ERMP1: variants seen among roughly 807,000 people sequenced by gnomAD.
ERMP1 encodes the protein Felix-ina.
ERMP1 carries 86 observed loss-of-function variants against 92.0 expected under a neutral mutation model. That is an observed-to-expected ratio of 0.93 (90% CI 0.79 to 1.12). The LOEUF is 1.12. ERMP1 is among the 50% of genes most tolerant of loss of function. ERMP1 has a pLI of 0.00. For missense variants in ERMP1, 1,342 were observed against 1,116.3 expected, an observed-to-expected ratio of 1.20 and a Z score of -2.88; for synonymous variants, 530 against 412.8, an observed-to-expected ratio of 1.28 and a Z score of -3.44.
intron 10 of ERMP1, among the ~76,000 whole-genome samples, chr9:5,803,111 T>C (rs1257606060): frequency 6.6e-6 from 1 of 152,174 alleles, no homozygotes; most frequent in East Asian, 1.9e-4. Context: ...CAGATGTATT[T>C]AATAAATCCC....
chr9:5,825,147 G>T lies in ERMP1; in HGVS notation c.713C>A (p.Ala238Asp). The change falls in exon 3 of 15, where the codon GCC becomes GAC. Residue 238 changes from alanine to aspartate, a missense_variant. By Grantham distance (126) the Ala-to-Asp change is moderately radical (BLOSUM62 -2). Transcript: ENST00000339450. ...VLRVLSTSSEALHHAVIFLFN... is the reference protein window; with the variant it reads ...VLRVLSTSSEDLHHAVIFLFN... ...GAGAAATATGACAGCATGATGCAAG[G>T]CTTCTGAAGATGTTGACAAGACGCG... The T allele has an allele frequency of 6.2e-7, 1 of 1,613,962 alleles. No homozygotes were observed. Among genetic ancestry groups the T allele is most frequent in the Non-Finnish European group, 8.5e-7 (1 of 1,179,890 alleles).
intron 4 of ERMP1, among the ~76,000 whole-genome samples, chr9:5,818,803 C>A (rs531815512): frequency 4.4e-4 from 67 of 152,148 alleles, no homozygotes; most frequent in African/African-American, 1.6e-3. Flanking sequence ...AATGGGTCTG[C>A]TGAACTGAAG....
At chr9:5,824,587 G>T (rs1829665396) in intron 3 of ERMP1, among the ~76,000 whole-genome samples, 1 of 152,110 alleles carries the variant, frequency 6.6e-6, no homozygotes, top group African/African-American at 2.4e-5. Context: ...AATTTTAGTA[G>T]AGACGGGGTT....
intron 6 of ERMP1, among the ~76,000 whole-genome samples, chr9:5,849,151 T>C (rs1478338264): frequency 6.6e-6 from 1 of 152,176 alleles, no homozygotes; most frequent in Non-Finnish European, 1.5e-5. Context: ...GCTTCCCGAG[T>C]AGCTGGGACT....
rs189550594 is a variant in ERMP1 at position 5,856,212 on chromosome 9, T to C, written n.3199+3256A>G. 7 of 288,280 alleles carry C rather than the reference T, an allele frequency of 2.4e-5. No individual in the cohort carries two copies. The East Asian group carries it at 8.3e-4, about 34-fold the overall frequency. 17.9% of individuals were successfully genotyped at this position (288,280 alleles called of 1,614,324 possible). A position where few individuals can be genotyped will look rare whatever the true frequency, so the allele number is the denominator to read the frequency against. ...ACCATCTGGGAGCCAGTGCTGGGCATACCTGTTCTCCAACTCTGACACCAT... is the reference window on the plus strand; with the variant it reads ...ACCATCTGGGAGCCAGTGCTGGGCACACCTGTTCTCCAACTCTGACACCAT... On this transcript the variant is annotated intron_variant and non_coding_transcript_variant, in intron 6 of 6. Transcript: ENST00000690753.
intron 6 of ERMP1, among the ~76,000 whole-genome samples, chr9:5,844,503 G>A (rs1830210038): frequency 6.6e-6 from 1 of 152,110 alleles, no homozygotes; most frequent in Non-Finnish European, 1.5e-5. Flanking sequence ...CAAACCCCTA[G>A]GCTCAAGTGA....
At chr9:5,804,890 G>A in intron 10 of ERMP1, 137 bp downstream of exon 10, 1 of 662,988 alleles carries the variant, frequency 1.5e-6, no homozygotes, top group South Asian at 2.2e-5. Context: ...CAAGATGCAT[G>A]GCCATTCATT....
At chr9:5,803,435 T>A (rs1487662852) in intron 10 of ERMP1, among the ~76,000 whole-genome samples, 1 of 152,204 alleles carries the variant, frequency 6.6e-6, no homozygotes, top group African/African-American at 2.4e-5. Context: ...TTTCCATGCT[T>A]TGGGGACATT....
At chr9:5,831,056 G>C in intron 1 of ERMP1, 28 bp from the exon 2 acceptor site, 1 of 1,579,890 alleles carries the variant, frequency 6.3e-7, no homozygotes, top group Non-Finnish European at 8.6e-7. Context: ...AATAACAAAG[G>C]TTTGTAGTTA....
chr9:5,791,357 G>C (rs1828190516), intron 13 of ERMP1: 1 of 454,680 alleles, frequency 2.2e-6, no homozygotes. Flanking sequence ...CCTTGGGGAA[G>C]GTCAGTCTTT....
chr9:5,861,528 C>A (rs1007841297), intron 5 of ERMP1, among the ~76,000 whole-genome samples: 1 of 151,888 alleles, frequency 6.6e-6, no homozygotes, highest in Non-Finnish European at 1.5e-5. Context: ...ACAGATGGCA[C>A]TAAAAGCAGA....
intron 13 of ERMP1, among the ~76,000 whole-genome samples, chr9:5,793,963 T>A (rs1387874336): frequency 6.6e-6 from 1 of 152,078 alleles, no homozygotes; most frequent in East Asian, 1.9e-4. Flanking sequence ...AAAGCCTTCT[T>A]CCAACAGCAA....
intron 4 of ERMP1, among the ~76,000 whole-genome samples, chr9:5,817,092 G>A (rs2131251155): frequency 6.6e-6 from 1 of 151,694 alleles, no homozygotes; most frequent in Non-Finnish European, 1.5e-5. Context: ...TAGAGATGGG[G>A]TTTCACCATG....
chr9:5,859,123 G>T (rs1021333019), intron 6 of ERMP1, among the ~76,000 whole-genome samples: 2 of 152,190 alleles, frequency 1.3e-5, no homozygotes, highest in African/African-American at 4.8e-5. Context: ...CTGACTCCAA[G>T]TCATGTCCTC....
At chr9:5,814,256 T>C (rs1285289713) in intron 4 of ERMP1, among the ~76,000 whole-genome samples, 1 of 152,224 alleles carries the variant, frequency 6.6e-6, no homozygotes, top group African/African-American at 2.4e-5. Context: ...ACTGCAGTTA[T>C]TCAGAAACCA....
intron 2 of ERMP1, among the ~76,000 whole-genome samples, chr9:5,826,379 T>C (rs1311524296): frequency 1.3e-5 from 2 of 152,240 alleles, no homozygotes; most frequent in African/African-American, 4.8e-5. Context: ...TCTGTCACTT[T>C]ACTCCACTAT....
At chr9:5,805,290 G>T in intron 9 of ERMP1, 73 bp from the exon 10 acceptor site, 1 of 1,175,188 alleles carries the variant, frequency 8.5e-7, no homozygotes, top group Non-Finnish European at 1.2e-6. Context: ...TAGTACTGGT[G>T]TGCCTTGGTA....
intron 11 of ERMP1, among the ~76,000 whole-genome samples, chr9:5,800,608 A>G (rs1489084531): frequency 2.0e-5 from 3 of 152,194 alleles, no homozygotes; most frequent in Non-Finnish European, 4.4e-5. Flanking sequence ...CCGAGGGGGC[A>G]GAGGTTGCAG....
intron 6 of ERMP1, among the ~76,000 whole-genome samples, chr9:5,850,026 A>G (rs568922017): frequency 6.6e-6 from 1 of 152,294 alleles, no homozygotes; most frequent in African/African-American, 2.4e-5. Context: ...TTTCTTACCA[A>G]TCAGGAAACA....
Sources: gnomAD v4.1 joint callset for allele counts (sites outside exome capture counted in the v4.1 genomes callset) on GRCh38, gnomAD v4.1.1 for gene constraint, MANE v1.5 for transcripts, NCBI Gene and HGNC (gene_info 2026-07-23, HGNC 2026-07-21) for gene names.